Variants in UBE2B observed in about 807,000 individuals in gnomAD.
UBE2B encodes the protein ubiquitin conjugating enzyme E2 B.
Under a neutral mutation model 24.6 loss-of-function variants are expected in UBE2B, and 11 were observed. The ratio of observed to expected loss-of-function variants is 0.45; its 90% CI spans 0.28 to 0.74. The LOEUF (loss-of-function observed/expected upper bound fraction) is 0.74, where lower values mean the gene tolerates loss of function less well. Ranked by LOEUF, UBE2B falls within the 30% of genes least tolerant of loss-of-function variation. UBE2B has a pLI of 0.13. For synonymous variants in UBE2B, 68 were observed against 62.4 expected (o/e 1.09, Z -0.42); for missense variants, 78 against 185.6 (o/e 0.42, Z 3.37).
intron 1 of UBE2B, among the ~76,000 whole-genome samples, chr5:134,374,089 A>C (rs898971489): frequency 6.6e-6 from 1 of 152,244 alleles, no homozygotes; most frequent in African/African-American, 2.4e-5. Flanking sequence ...GAACTAGTTT[A>C]CAGTCCCACC....
intron 4 of UBE2B, among the ~76,000 whole-genome samples, chr5:134,383,835 A>G (rs898024506): frequency 5.3e-5 from 8 of 152,100 alleles, no homozygotes; most frequent in African/African-American, 1.9e-4. Context: ...GCTGCATAAC[A>G]ACTAGACTAA....
At chr5:134,384,234 TC>T (rs1319169788) in intron 4 of UBE2B, among the ~76,000 whole-genome samples, 2 of 152,144 alleles carry the variant, frequency 1.3e-5, no homozygotes, top group Non-Finnish European at 2.9e-5. Context: ...ATTATAGAGC[TC>T]CCTACCCAGA....
intron 4 of UBE2B, among the ~76,000 whole-genome samples, chr5:134,386,379 C>T (rs1046468875): frequency 6.6e-6 from 1 of 151,376 alleles, no homozygotes; most frequent in Admixed American, 6.6e-5. Context: ...CTTGTAATCC[C>T]AGCACTTTGG....
chr5:134,377,794 T>C (rs1321648523), intron 3 of UBE2B, among the ~76,000 whole-genome samples: 1 of 152,168 alleles, frequency 6.6e-6, no homozygotes, highest in Non-Finnish European at 1.5e-5. Flanking sequence ...ACAAAACCAA[T>C]GGTGGCTATA....
chr5:134,372,972 A>G (rs1305260822), intron 1 of UBE2B, among the ~76,000 whole-genome samples: 1 of 152,160 alleles, frequency 6.6e-6, no homozygotes, highest in East Asian at 1.9e-4. Flanking sequence ...CAGATAGTAA[A>G]CTAGTTCATG....
Position 134,390,380 on chromosome 5 carries a change from C to T in UBE2B, c.*27C>T. 1 of 1,613,068 alleles carries T rather than the reference C, an allele frequency of 6.2e-7. No individual in the cohort carries two copies. The highest frequency in any genetic ancestry group is 8.5e-7 in the Non-Finnish European group (1 of 1,179,424). The stretch of plus-strand genomic sequence containing the variant: ...AGACAACTGGTCTGTTAATCTTTTT[C>T]ATCATTGTTGTGTATAATTTACCTC... On this transcript the variant is annotated 3_prime_UTR_variant, in exon 6 of 6. Transcript: ENST00000265339. The surrounding 1 kb of genome is among the most constrained non-coding windows in gnomAD (Gnocchi z 4.6).
intron 4 of UBE2B, among the ~76,000 whole-genome samples, chr5:134,384,439 T>C (rs1267408102): frequency 2.6e-5 from 4 of 152,184 alleles, no homozygotes; most frequent in Non-Finnish European, 5.9e-5. Flanking sequence ...TACCATTTAT[T>C]CCACTGTAGC....
chr5:134,371,846 C>T (rs1400377799), intron 1 of UBE2B, among the ~76,000 whole-genome samples: 6 of 152,192 alleles, frequency 3.9e-5, no homozygotes, highest in South Asian at 2.1e-4. Flanking sequence ...ATACTGCTTC[C>T]CCTCCCCACA....
chr5:134,378,268 GTTTGTTT>G (rs1467084812), intron 3 of UBE2B, among the ~76,000 whole-genome samples: 9 of 151,674 alleles, frequency 5.9e-5, no homozygotes, highest in Admixed American at 2.6e-4. Flanking sequence ...GGTTTTTTTT[GTTTGTTT>G]TTTGTTTTTT....
intron 4 of UBE2B, among the ~76,000 whole-genome samples, chr5:134,382,816 TG>T (rs772545674): frequency 2.0e-5 from 3 of 151,230 alleles, no homozygotes; most frequent in African/African-American, 2.4e-5. Flanking sequence ...TAAAATAAGG[TG>T]TTTTTTTTGG....
At chr5:134,378,217 TA>T (rs1235137813) in intron 3 of UBE2B, among the ~76,000 whole-genome samples, 1 of 152,138 alleles carries the variant, frequency 6.6e-6, no homozygotes, top group South Asian at 2.1e-4. Flanking sequence ...AAGACATTTT[TA>T]TTAGTATTAG....
intron 4 of UBE2B, among the ~76,000 whole-genome samples, chr5:134,382,562 C>G (rs1291015599): frequency 6.6e-6 from 1 of 151,996 alleles, no homozygotes; most frequent in African/African-American, 2.4e-5. Flanking sequence ...TTGCTTGAGC[C>G]CAGGAGTTCA....
chr5:134,386,841 T>TA (rs1381417218), intron 4 of UBE2B, among the ~76,000 whole-genome samples: 1 of 152,170 alleles, frequency 6.6e-6, no homozygotes, highest in Non-Finnish European at 1.5e-5. Flanking sequence ...TCTTACTCTA[T>TA]AAACAGTAGA....
At chr5:134,375,692 G>A (rs996137696) in intron 2 of UBE2B, among the ~76,000 whole-genome samples, 3 of 151,308 alleles carry the variant, frequency 2.0e-5, no homozygotes, top group African/African-American at 2.4e-5. Flanking sequence ...CCAGCTACTC[G>A]GGAGGCTGAG....
rs532078133 is a variant in UBE2B, at chr5:134,390,458, GAAA to G, written c.*111_*113del. 1.6e-5 allele frequency: 22 copies of G among 1,392,704 alleles called. No homozygotes were observed. The highest frequency in any genetic ancestry group is 2.2e-5 in the Non-Finnish European group (22 of 1,016,904). 86.3% of individuals were successfully genotyped at this position (1,392,704 alleles called of 1,614,324 possible). The stretch of plus-strand genomic sequence containing the variant: ...TGCCACAGGTTTTAAGGATTCTGCA[GAAA>G]AAAAAGAAAAAAGTCCTTCAGTTTA... On this transcript the variant is annotated 3_prime_UTR_variant, in exon 6 of 6. Transcript: ENST00000265339. This position sits in a 1 kb window ranked among gnomAD's most constrained non-coding sequence, Gnocchi z 4.6.
At chr5:134,380,020 A>G (rs765917629) in intron 3 of UBE2B, among the ~76,000 whole-genome samples, 34 of 151,776 alleles carry the variant, frequency 2.2e-4, no homozygotes, top group South Asian at 8.3e-4. Context: ...GGTTCAAGCA[A>G]TTCTCTTGCC....
In UBE2B at chr5:134,391,732, G is replaced by C. The variant is rs1561684293; in HGVS notation, c.*1379G>C. 1 of 152,214 alleles carries C rather than the reference G, an allele frequency of 6.6e-6. No individual in the cohort carries two copies. The highest frequency in any genetic ancestry group is 1.5e-5 in the Non-Finnish European group (1 of 68,038). The allele number at this position is 152,214 out of a possible 1,614,324, so 9.4% of individuals were successfully genotyped here. ...AGTCCCAGCACTTTGGGAGGCAAAG[G>C]CGGGAGGATCACTTGAGGCCAGGAC... is the stretch of plus-strand genomic sequence containing the variant. On this transcript the variant is annotated 3_prime_UTR_variant, in exon 6 of 6. Coordinates refer to ENST00000265339, the MANE Select transcript of UBE2B (RefSeq NM_003337.4).
In UBE2B at chr5:134,390,394, A is replaced by G. The variant is rs1451542795; in HGVS notation, c.*41A>G. ...TTAATCTTTTTCATCATTGTTGTGT[A>G]TAATTTACCTCTCATTAGAAAGGCT... On this transcript the variant is annotated 3_prime_UTR_variant, in exon 6 of 6. Transcript: ENST00000265339. The surrounding 1 kb of genome is among the most constrained non-coding windows in gnomAD (Gnocchi z 4.6). 2.5e-6 allele frequency: 4 copies of G among 1,612,114 alleles called. No homozygotes were observed. In the Admixed American group the frequency reaches 6.7e-5, roughly 27 times the overall value.
chr5:134,376,653 ATCT>A lies in UBE2B; in HGVS notation c.126-11_126-9del. ...AATGAGAAACTTCTTTTAATCAGAAATCTTCTTGTTTTCAGACCAGAAGGGACA... is the reference window on the plus strand; with the variant it reads ...AATGAGAAACTTCTTTTAATCAGAAATCTTGTTTTCAGACCAGAAGGGACA... On this transcript the variant is annotated splice_polypyrimidine_tract_variant and intron_variant, in intron 2 of 5. Transcript: ENST00000265339. 1.2e-6 allele frequency: 2 copies of A among 1,611,414 alleles called. No individual in the cohort carries two copies. Among genetic ancestry groups the A allele is most frequent in the Non-Finnish European group, 1.7e-6 (2 of 1,179,052 alleles).
Sources: allele counts gnomAD v4.1 joint callset (sites outside exome capture counted in the v4.1 genomes callset), GRCh38; gene constraint gnomAD v4.1.1; non-coding constraint Gnocchi (gnomAD v3.1); transcripts MANE v1.5; gene names NCBI Gene and HGNC (gene_info 2026-07-23, HGNC 2026-07-21).